Variants in LRP4 observed in about 807,000 individuals in gnomAD.
LRP4 encodes low-density lipoprotein receptor-related protein 4.
LRP4 carries 95 observed loss-of-function variants against 220.3 expected under a neutral mutation model. That is an observed-to-expected ratio of 0.43 (90% CI 0.37 to 0.51). LRP4 has a LOEUF of 0.51. Among genes scored for constraint, LRP4 ranks in the 20% least tolerant of loss-of-function variants. LRP4 has a pLI of 0.00. For missense variants in LRP4, 1,925 were observed against 2,567.0 expected (o/e 0.75, Z 5.40); for synonymous variants, 903 against 954.6 (o/e 0.95, Z 1.00).
At position 46,859,303 on chromosome 11, in the gene LRP4, G is replaced by A. The variant is rs144229304; in HGVS notation, c.5398C>T (p.His1800Tyr). Residue 1800 changes from histidine to tyrosine, a missense_variant, in exon 38 of 38, where the codon CAT becomes TAT. Physicochemically the swap from His to Tyr is moderately conservative, Grantham distance 83 (BLOSUM62 2). Transcript: ENST00000378623. Reference protein sequence around the residue: ...LCYKKEGGPDHNYTKEKIKIV... With the variant: ...LCYKKEGGPDYNYTKEKIKIV... ...TTGATCTTCTCCTTGGTGTAGTTAT[G>A]GTCAGGCCCTCCCTAGGGTGGAGAG... 4.3e-6 allele frequency: 7 copies of A among 1,613,666 alleles called. No homozygotes were observed. In the East Asian group the frequency reaches 8.9e-5, roughly 21 times the overall value.
At chr11:46,860,698 G>A (rs1048408511) in intron 37 of LRP4, among the ~76,000 whole-genome samples, 2 of 152,180 alleles carry the variant, frequency 1.3e-5, no homozygotes, top group African/African-American at 4.8e-5. Flanking sequence ...CATGGTCCCT[G>A]CCCTCTGAGA....
Position 46,917,343 on chromosome 11 carries a change from T to G in LRP4, c.52+985A>C, listed in dbSNP as rs1266618506. On this transcript the variant is annotated intron_variant, in intron 1 of 37. Coordinates refer to ENST00000378623, the MANE Select transcript of LRP4 (RefSeq NM_002334.4). ...ATGAATAGCGATGGGTGAATAGGGC[T>G]GGGGTTCAAAGATCAAAGTTCTTTG... 2.0e-5 allele frequency among the ~76,000 whole-genome samples: 3 copies of G among 152,204 alleles called. No individual in the cohort carries two copies. The East Asian group carries it at 5.8e-4, about 29-fold the overall frequency.
intron 8 of LRP4, 141 bp downstream of exon 8, chr11:46,896,728 T>A: frequency 1.6e-6 from 2 of 1,248,098 alleles, no homozygotes; most frequent in Non-Finnish European, 2.3e-6. Flanking sequence ...CTCCAGGCCA[T>A]AAGGCCGCAG....
At chr11:46,874,742 A>T in intron 28 of LRP4, 58 bp downstream of exon 28, 1 of 1,511,748 alleles carries the variant, frequency 6.6e-7, no homozygotes, top group Non-Finnish European at 9.2e-7. Flanking sequence ...ACACAACCTC[A>T]CCCATGGGCG....
intron 20 of LRP4, among the ~76,000 whole-genome samples, chr11:46,880,948 C>T (rs1019499597): frequency 1.3e-5 from 2 of 148,488 alleles, no homozygotes; most frequent in African/African-American, 2.5e-5. Context: ...ATGGCTCATG[C>T]GTGTAGTCTC....
In LRP4 at chr11:46,881,872, G is replaced by C; in HGVS notation, c.2644C>G (p.Pro882Ala). Reference sequence around the variant, plus strand: ...TCCATGCCAGCTCGTTCAATCTTGGGGCTCGCACCCCAGTCAGTCCAATAC... The same window carrying C: ...TCCATGCCAGCTCGTTCAATCTTGGCGCTCGCACCCCAGTCAGTCCAATAC... Reference protein sequence around the residue: ...YMYWTDWGASPKIERAGMDAS... With the variant: ...YMYWTDWGASAKIERAGMDAS... Residue 882 changes from proline to alanine, a missense_variant, in exon 20 of 38, where the codon CCC becomes GCC. This residue lies in a region of LRP4 where 1,244 missense variants were observed against 1,624.9 expected (regional missense o/e 0.77). Coordinates refer to ENST00000378623, the MANE Select transcript of LRP4 (RefSeq NM_002334.4). 1 of 1,614,178 alleles carries C rather than the reference G, an allele frequency of 6.2e-7. No individual in the cohort carries two copies. The highest frequency in any genetic ancestry group is 1.1e-5 in the South Asian group (1 of 91,078).
intron 37 of LRP4, among the ~76,000 whole-genome samples, chr11:46,861,523 CTTTTTTTTTT>C (rs576719115): frequency 2.4e-5 from 2 of 83,468 alleles, no homozygotes; most frequent in Admixed American, 1.7e-4. Flanking sequence ...GGAAATGGGA[CTTTTTTTTTT>C]TTTTTTTTTT....
chr11:46,894,861 A>T (rs769245648), intron 11 of LRP4, 42 bp from the exon 12 acceptor site: 1 of 1,546,842 alleles, frequency 6.5e-7, no homozygotes. Context: ...TGGGTTTCAG[A>T]GCCGCCCCTG....
At chr11:46,881,468 A>G (rs1941159159) in intron 20 of LRP4, among the ~76,000 whole-genome samples, 1 of 152,138 alleles carries the variant, frequency 6.6e-6, no homozygotes, top group South Asian at 2.1e-4. Context: ...AATCCACACA[A>G]GTCCCTAGTT....
intron 16 of LRP4, among the ~76,000 whole-genome samples, chr11:46,887,477 T>C (rs1369186795): frequency 6.6e-6 from 1 of 151,886 alleles, no homozygotes; most frequent in Admixed American, 6.6e-5. Context: ...GGTGGGGTCA[T>C]TGCTTGGGCT....
intron 2 of LRP4, 25 bp from the exon 3 acceptor site, chr11:46,900,403 A>T (rs369732084): frequency 1.1e-5 from 16 of 1,414,074 alleles, no homozygotes; most frequent in Non-Finnish European, 1.6e-5. Context: ...AAGAAAAGAA[A>T]AGTCAATCAA....
rs767317159 is a variant in LRP4, at chr11:46,881,853, C to A, written c.2663G>T (p.Gly888Val). Residue 888 changes from glycine to valine, a missense_variant, in exon 20 of 38, where the codon GGC becomes GTC. Gly to Val is a moderately radical substitution (Grantham distance 109). This residue lies in a region of LRP4 where 1,244 missense variants were observed against 1,624.9 expected (regional missense o/e 0.77). Coordinates refer to ENST00000378623, the MANE Select transcript of LRP4 (RefSeq NM_002334.4). ...WGASPKIERA[G>V]MDASGRQVII... The stretch of plus-strand genomic sequence containing the variant: ...GACTTGGCGGCCTGAGGCATCCATG[C>A]CAGCTCGTTCAATCTTGGGGCTCGC... 6.2e-7 allele frequency: 1 copy of A among 1,614,154 alleles called. No homozygotes were observed. The highest frequency in any genetic ancestry group is 1.1e-5 in the South Asian group (1 of 91,074).
At chr11:46,874,079 T>A (rs867621282) in intron 28 of LRP4, 1 of 176,768 alleles carries the variant, frequency 5.7e-6, no homozygotes, top group Non-Finnish European at 1.2e-5. Flanking sequence ...GTGCTGGGAT[T>A]ATAGGCGCGA....
intron 34 of LRP4, among the ~76,000 whole-genome samples, 155 bp downstream of exon 34, chr11:46,867,824 C>T (rs754462193): frequency 1.3e-5 from 2 of 152,230 alleles, no homozygotes; most frequent in Non-Finnish European, 1.5e-5. Context: ...TAACAATCTA[C>T]AAGTCTGAAT....
chr11:46,902,358 CAAAA>C (rs58839181), intron 2 of LRP4, among the ~76,000 whole-genome samples: 11 of 92,368 alleles, frequency 1.2e-4, no homozygotes, highest in African/African-American at 1.4e-4. Flanking sequence ...GACTCTGTAT[CAAAA>C]AAAAAAAAAA....
At chr11:46,905,304 T>G (rs1377402946) in intron 1 of LRP4, among the ~76,000 whole-genome samples, 1 of 152,172 alleles carries the variant, frequency 6.6e-6, no homozygotes, top group African/African-American at 2.4e-5. Context: ...TAGGCACCCT[T>G]TTGGTGAACT....
intron 1 of LRP4, among the ~76,000 whole-genome samples, chr11:46,906,966 ACT>A (rs1941770206): frequency 6.6e-6 from 1 of 151,986 alleles, no homozygotes; most frequent in African/African-American, 2.4e-5. Context: ...GACACATTAT[ACT>A]CCAAAAAGCC....
Position 46,898,887 on chromosome 11 carries a change from C to T in LRP4, c.676+17G>A, listed in dbSNP as rs954605658. The T allele has an allele frequency of 6.2e-7, 1 of 1,613,794 alleles. No homozygotes were observed. Among genetic ancestry groups the T allele is most frequent in the Non-Finnish European group, 8.5e-7 (1 of 1,180,018 alleles). On this transcript the variant is annotated intron_variant, in intron 6 of 37. Coordinates refer to ENST00000378623, the MANE Select transcript of LRP4 (RefSeq NM_002334.4). Reference sequence around the variant, plus strand: ...CCAGCCTGGCCTCCCCACCTCCCAGCTGGCCAGAGTACTCACAGCAGTCAG... The same window carrying T: ...CCAGCCTGGCCTCCCCACCTCCCAGTTGGCCAGAGTACTCACAGCAGTCAG...
rs780329570 is a variant in LRP4, at chr11:46,868,065, C to T, written c.5001G>A (p.Lys1667=). ...PAPRATGMSE[K]SPVLPNTPPT... The stretch of plus-strand genomic sequence containing the variant: ...GTGGTGTGTTGGGTAGCACTGGGCT[C>T]TTTTCACTCATGCCAGTAGCCCTAG... Residue 1667 remains lysine (K), a synonymous_variant, in exon 34 of 38, where the codon AAG becomes AAA. Coordinates refer to ENST00000378623, the MANE Select transcript of LRP4 (RefSeq NM_002334.4). The T allele has an allele frequency of 2.2e-5, 35 of 1,614,006 alleles. No individual in the cohort carries two copies. The highest frequency in any genetic ancestry group is 2.7e-5 in the Non-Finnish European group (32 of 1,180,042).
Sources: gnomAD v4.1 joint callset for allele counts (sites outside exome capture counted in the v4.1 genomes callset) on GRCh38, gnomAD v4.1.1 for gene constraint, gnomAD v4.1.1 regional missense constraint, MANE v1.5 for transcripts, NCBI Gene and HGNC (gene_info 2026-07-23, HGNC 2026-07-21) for gene names.